Variants in AIMP1 observed in about 807,000 individuals in gnomAD.
The protein encoded by AIMP1 is aminoacyl tRNA synthase complex-interacting multifunctional protein 1.
In AIMP1, 24 loss-of-function variants were observed where a neutral mutation model predicts 33.1. The observed-to-expected ratio is 0.73, with a 90% CI of 0.53 to 1.02. The LOEUF is 1.02. AIMP1 is among the 50% of genes least tolerant of loss of function. The pLI, the probability that AIMP1 is intolerant of heterozygous loss-of-function variation, is 0.00. For synonymous variants in AIMP1, 120 were observed against 121.5 expected, an observed-to-expected ratio of 0.99 and a Z score of 0.08; for missense variants, 367 against 364.8, an observed-to-expected ratio of 1.01 and a Z score of -0.05.
intron 1 of AIMP1, among the ~76,000 whole-genome samples, chr4:106,319,365 G>C (rs1166360620): frequency 6.6e-6 from 1 of 151,662 alleles, no homozygotes; most frequent in Non-Finnish European, 1.5e-5. Flanking sequence ...ATCATCTTTT[G>C]TGTGTGTATT....
intron 1 of AIMP1, among the ~76,000 whole-genome samples, chr4:106,318,539 T>C (rs1769077008): frequency 6.6e-6 from 1 of 152,222 alleles, no homozygotes; most frequent in Non-Finnish European, 1.5e-5. Flanking sequence ...AAAATTACTA[T>C]ATTCCATCAA....
upstream of AIMP1, chr4:106,316,430 G>A (rs1768885302): frequency 4.6e-5 from 48 of 1,037,156 alleles, no homozygotes; most frequent in East Asian, 2.1e-4. Flanking sequence ...TAATGGGACT[G>A]AGCACAGGAA....
intron 6 of AIMP1, among the ~76,000 whole-genome samples, chr4:106,338,674 G>T (rs1769982430): frequency 6.6e-6 from 1 of 152,198 alleles, no homozygotes; most frequent in South Asian, 2.1e-4. Flanking sequence ...GGAACTGTGG[G>T]ATGGGACCCC....
At chr4:106,339,628 A>G (rs915014053) in intron 6 of AIMP1, among the ~76,000 whole-genome samples, 2 of 152,218 alleles carry the variant, frequency 1.3e-5, no homozygotes, top group South Asian at 2.1e-4. Flanking sequence ...GAACAGACTA[A>G]CAGAACACCA....
rs1421534234 is a variant in AIMP1, at chr4:106,349,194, T to G, written c.*1502T>G. 1 of 152,046 alleles carries G rather than the reference T, an allele frequency of 6.6e-6. No individual in the cohort carries two copies. The highest frequency in any genetic ancestry group is 1.5e-5 in the Non-Finnish European group (1 of 67,994). 9.4% of individuals were successfully genotyped at this position (152,046 alleles called of 1,614,324 possible). On this transcript the variant is annotated 3_prime_UTR_variant, in exon 7 of 7. Coordinates refer to ENST00000672341, the MANE Select transcript of AIMP1 (RefSeq NM_001142416.2). Reference sequence around the variant, plus strand: ...GTTACTTTGTTCTCAAGATATGTCATTCTTTTGGGAATAAATACTTCTGGT... The same window carrying G: ...GTTACTTTGTTCTCAAGATATGTCAGTCTTTTGGGAATAAATACTTCTGGT...
intron 1 of AIMP1, among the ~76,000 whole-genome samples, chr4:106,321,702 A>G (rs1325025377): frequency 6.6e-6 from 1 of 152,220 alleles, no homozygotes; most frequent in African/African-American, 2.4e-5. Context: ...AGGTGTACCC[A>G]ACAGCTCATT....
At chr4:106,319,693 A>C (rs780632845) in intron 1 of AIMP1, among the ~76,000 whole-genome samples, 1 of 152,180 alleles carries the variant, frequency 6.6e-6, no homozygotes, top group Non-Finnish European at 1.5e-5. Flanking sequence ...ATTACTGTGC[A>C]TGTCATTCTT....
At chr4:106,329,794 T>A in intron 4 of AIMP1, among the ~76,000 whole-genome samples, 1 of 136,902 alleles carries the variant, frequency 7.3e-6, no homozygotes, top group Non-Finnish European at 1.5e-5. Flanking sequence ...TTTTTTTTTT[T>A]TTTTTTTTGG....
In AIMP1 at chr4:106,347,874, G is replaced by A. The variant is rs147386651; in HGVS notation, c.*182G>A. 1,906 of 549,792 alleles carry A rather than the reference G, an allele frequency of 3.5e-3. 44 individuals carry two copies. In the East Asian group the frequency reaches 0.048, roughly 14 times the overall value. The allele number at this position is 549,792 out of a possible 1,614,324, so 34.1% of individuals were successfully genotyped here. A position where few individuals can be genotyped will look rare whatever the true frequency, so the allele number is the denominator to read the frequency against. ...TGGGGAAACACTAGATTTTTACCTC[G>A]GTTTTTGATCATTTATAATGGAGAG... On this transcript the variant is annotated 3_prime_UTR_variant, in exon 7 of 7. Coordinates refer to ENST00000672341, the MANE Select transcript of AIMP1 (RefSeq NM_001142416.2).
intron 6 of AIMP1, among the ~76,000 whole-genome samples, chr4:106,346,797 T>A (rs1386624259): frequency 6.6e-6 from 1 of 152,200 alleles, no homozygotes; most frequent in Non-Finnish European, 1.5e-5. Context: ...TTCACAGTTT[T>A]CCTTTATATT....
rs908740540 is a variant in AIMP1, at chr4:106,349,308, A to C, written c.*1616A>C. ...AATTTAAATAATATTTCAACTACCTAGGTAGTTGAAATTTTCCCAACTAAA... is the reference window on the plus strand; with the variant it reads ...AATTTAAATAATATTTCAACTACCTCGGTAGTTGAAATTTTCCCAACTAAA... On this transcript the variant is annotated 3_prime_UTR_variant, in exon 7 of 7. Transcript: ENST00000672341. 11 of 151,854 alleles carry C rather than the reference A, an allele frequency of 7.2e-5. No individual in the cohort carries two copies. The highest frequency in any genetic ancestry group is 4.1e-4 in the South Asian group (2 of 4,824). 9.4% of individuals were successfully genotyped at this position (151,854 alleles called of 1,614,324 possible).
chr4:106,317,443 G>A lies in AIMP1; in HGVS notation c.-26+849G>A, dbSNP rs144723463. On this transcript the variant is annotated intron_variant, in intron 1 of 6. Transcript: ENST00000672341. ...AGCGTTTTGAGCAGTAGAGTGATGG[G>A]CTCTGACTTCCTTTTAAGAGGGTCA... Among the ~76,000 whole-genome samples the A allele has an allele frequency of 1.5e-3, 232 of 152,278 alleles. 1 individual carries two copies. Among genetic ancestry groups the A allele is most frequent in the African/African-American group, 5.4e-3 (226 of 41,562 alleles).
chr4:106,317,350 T>A (rs1299049964), intron 1 of AIMP1, among the ~76,000 whole-genome samples: 1 of 152,136 alleles, frequency 6.6e-6, no homozygotes, highest in Non-Finnish European at 1.5e-5. Context: ...GGAGATTAAA[T>A]CAAGGCGAGC....
chr4:106,324,411 A>G (rs1445610375), intron 1 of AIMP1, among the ~76,000 whole-genome samples: 1 of 152,048 alleles, frequency 6.6e-6, no homozygotes, highest in Non-Finnish European at 1.5e-5. Context: ...TGAATTTATT[A>G]TAAAACTAAA....
intron 6 of AIMP1, among the ~76,000 whole-genome samples, chr4:106,337,349 A>T (rs1036584716): frequency 2.0e-5 from 3 of 152,088 alleles, no homozygotes; most frequent in African/African-American, 7.2e-5. Flanking sequence ...ACCCGGTGGG[A>T]GGTAACTGAA....
chr4:106,320,082 AGTT>A (rs1308544136), intron 1 of AIMP1, among the ~76,000 whole-genome samples: 1 of 152,216 alleles, frequency 6.6e-6, no homozygotes, highest in East Asian at 1.9e-4. Flanking sequence ...AAATATATGT[AGTT>A]GTTATTATCA....
intron 5 of AIMP1, among the ~76,000 whole-genome samples, 161 bp from the exon 6 acceptor site, chr4:106,336,708 T>G (rs375390621): frequency 4.9e-4 from 75 of 152,322 alleles, no homozygotes; most frequent in African/African-American, 1.8e-3. Flanking sequence ...TATGCAAAGC[T>G]TCGTAACAAC....
At chr4:106,345,103 A>G (rs966529498) in intron 6 of AIMP1, among the ~76,000 whole-genome samples, 1 of 152,148 alleles carries the variant, frequency 6.6e-6, no homozygotes, top group South Asian at 2.1e-4. Context: ...TGTTATTATG[A>G]ATGTTATCTA....
At position 106,347,686 on chromosome 4, in the gene AIMP1, C is replaced by G. The variant is rs1211433577; in HGVS notation, c.933C>G (p.Ile311Met). 1.2e-6 allele frequency: 2 copies of G among 1,612,586 alleles called. No homozygotes were observed. The highest frequency in any genetic ancestry group is 1.7e-6 in the Non-Finnish European group (2 of 1,179,268). ...CTCAAACCATGAGCAACAGTGGAAT[C>G]AAATAAAATGCTTCCACTACCAAAA... ...CRAQTMSNSG[I>M]K The change falls in exon 7 of 7, where the codon ATC becomes ATG. Residue 311 changes from isoleucine (I) to methionine (M), a missense_variant. Ile to Met is a conservative substitution (Grantham distance 10). Transcript: ENST00000672341.
Sources: gnomAD v4.1 joint callset for allele counts (sites outside exome capture counted in the v4.1 genomes callset) on GRCh38, gnomAD v4.1.1 for gene constraint, MANE v1.5 for transcripts, NCBI Gene and HGNC (gene_info 2026-07-23, HGNC 2026-07-21) for gene names.